Variants in NUFIP1 observed in about 807,000 individuals in gnomAD.
NUFIP1 encodes nuclear FMR1 interacting protein 1.
Under a neutral mutation model 56.2 loss-of-function variants are expected in NUFIP1, and 38 were observed. That is an observed-to-expected ratio of 0.68 (90% CI 0.52 to 0.89). The LOEUF is 0.89. Ranked by LOEUF, NUFIP1 falls within the 40% of genes least tolerant of loss-of-function variation. The pLI is 0.00. For missense variants in NUFIP1, 567 were observed against 605.8 expected, an observed-to-expected ratio of 0.94 and a Z score of 0.67; for synonymous variants, 215 against 212.4, an observed-to-expected ratio of 1.01 and a Z score of -0.10.
chr13:44,974,465 G>T (rs932539558), intron 5 of NUFIP1, among the ~76,000 whole-genome samples: 1 of 152,246 alleles, frequency 6.6e-6, no homozygotes, highest in Admixed American at 6.5e-5. Flanking sequence ...CGGATGGAAA[G>T]AGGAGTATGT....
intron 6 of NUFIP1, among the ~76,000 whole-genome samples, 171 bp downstream of exon 6, chr13:44,965,673 A>G (rs1871572771): frequency 6.6e-6 from 1 of 152,206 alleles, no homozygotes; most frequent in African/African-American, 2.4e-5. Flanking sequence ...CAGCCTGGGC[A>G]ACAGAGCGAG....
At chr13:44,944,120 G>C (rs767299967) in intron 8 of NUFIP1, among the ~76,000 whole-genome samples, 65 of 152,218 alleles carry the variant, frequency 4.3e-4, no homozygotes, top group Non-Finnish European at 6.0e-4. Flanking sequence ...AAGGCAGAAG[G>C]AATATGTAAG....
In NUFIP1 at chr13:44,957,640, CAAGATACAA is replaced by C. The variant is rs539247754; in HGVS notation, c.1021+1732_1021+1740del. ...GGACTAAGACAAGCTTAAATAGAAG[CAAGATACAA>C]TCGTCTTTTAGTTGGTGTTTTACCA... On this transcript the variant is annotated intron_variant, in intron 7 of 9. Transcript: ENST00000379161. Among the ~76,000 whole-genome samples the C allele has an allele frequency of 9.2e-5, 14 of 152,070 alleles. No individual in the cohort carries two copies. The East Asian group carries it at 2.5e-3, about 27-fold the overall frequency.
chr13:44,939,666 G>C lies in NUFIP1; in HGVS notation c.*1540C>G, dbSNP rs1870665826. On this transcript the variant is annotated 3_prime_UTR_variant, in exon 10 of 10. Coordinates refer to ENST00000379161, the MANE Select transcript of NUFIP1 (RefSeq NM_012345.3). Reference sequence around the variant, plus strand: ...AAATACCCATTAAAAATAAACAATAGTCACCATAGCTAAAGACTGTCAGAC... The same window carrying C: ...AAATACCCATTAAAAATAAACAATACTCACCATAGCTAAAGACTGTCAGAC... 6.6e-6 allele frequency: 1 copy of C among 152,014 alleles called. No individual in the cohort carries two copies. Among genetic ancestry groups the C allele is most frequent in the South Asian group, 2.1e-4 (1 of 4,816 alleles). 9.4% of individuals were successfully genotyped at this position (152,014 alleles called of 1,614,324 possible).
chr13:44,986,015 G>C (rs1872376195), intron 1 of NUFIP1, among the ~76,000 whole-genome samples: 1 of 152,184 alleles, frequency 6.6e-6, no homozygotes, highest in Non-Finnish European at 1.5e-5. Context: ...GAATATAAAG[G>C]TGCAGTCATA....
intron 7 of NUFIP1, among the ~76,000 whole-genome samples, chr13:44,955,211 A>C (rs1288990449): frequency 6.6e-6 from 1 of 152,256 alleles, no homozygotes; most frequent in African/African-American, 2.4e-5. Context: ...GGAAATAAAA[A>C]AATATGCTAG....
chr13:44,978,520 C>A (rs1872068303), intron 5 of NUFIP1, among the ~76,000 whole-genome samples: 1 of 152,134 alleles, frequency 6.6e-6, no homozygotes, highest in African/African-American at 2.4e-5. Flanking sequence ...TATAACAGTG[C>A]CCTAGTGGAA....
chr13:44,978,193 C>G (rs996417774), intron 5 of NUFIP1, among the ~76,000 whole-genome samples: 4 of 152,186 alleles, frequency 2.6e-5, no homozygotes, highest in Non-Finnish European at 5.9e-5. Flanking sequence ...CTCAGAATTA[C>G]CTCTAAAGCC....
chr13:44,979,153 TA>T (rs1872092263), intron 5 of NUFIP1, 36 bp downstream of exon 5: 5 of 1,502,856 alleles, frequency 3.3e-6, no homozygotes, highest in Non-Finnish European at 4.6e-6. Flanking sequence ...CTTGTCACAG[TA>T]AAACAGTTAT....
At chr13:44,966,845 C>T (rs920497925) in intron 5 of NUFIP1, among the ~76,000 whole-genome samples, 1 of 151,336 alleles carries the variant, frequency 6.6e-6, no homozygotes, top group Non-Finnish European at 1.5e-5. Context: ...TGGTGGCGGG[C>T]GCCTGTAATC....
At chr13:44,949,988 T>A in intron 7 of NUFIP1, 150 bp from the exon 8 acceptor site, 1 of 658,692 alleles carries the variant, frequency 1.5e-6, no homozygotes, top group Non-Finnish European at 2.7e-6. Context: ...CAGAAACACT[T>A]CCCCTTGGTT....
At chr13:44,962,065 A>C (rs2137906305) in intron 6 of NUFIP1, among the ~76,000 whole-genome samples, 1 of 152,370 alleles carries the variant, frequency 6.6e-6, no homozygotes, top group Admixed American at 6.5e-5. Context: ...AATGTAGATG[A>C]ATATAAAATG....
At chr13:44,942,937 G>A (rs1393613927) in intron 9 of NUFIP1, among the ~76,000 whole-genome samples, 4 of 147,254 alleles carry the variant, frequency 2.7e-5, no homozygotes, top group Non-Finnish European at 5.9e-5. Flanking sequence ...CTACACTCCA[G>A]CTTGGGTGAC....
In NUFIP1 at chr13:44,940,243, G is replaced by A. The variant is rs1870687468; in HGVS notation, c.*963C>T. The A allele has an allele frequency of 6.6e-6, 1 of 152,232 alleles. No individual in the cohort carries two copies. Among genetic ancestry groups the A allele is most frequent in the Admixed American group, 6.5e-5 (1 of 15,290 alleles). 9.4% of individuals were successfully genotyped at this position (152,232 alleles called of 1,614,324 possible). The stretch of plus-strand genomic sequence containing the variant: ...AGGCTGGAAAACACTGGCTAAACAT[G>A]AATCTTCATCTCAGGTCTGTGACGT... On this transcript the variant is annotated 3_prime_UTR_variant, in exon 10 of 10. Transcript: ENST00000379161.
intron 1 of NUFIP1, among the ~76,000 whole-genome samples, chr13:44,985,285 C>T (rs1288364989): frequency 6.6e-6 from 1 of 152,184 alleles, no homozygotes; most frequent in Non-Finnish European, 1.5e-5. Context: ...CACATTCTTA[C>T]CTATCTCAGT....
intron 8 of NUFIP1, among the ~76,000 whole-genome samples, chr13:44,944,604 C>G (rs1327956503): frequency 6.6e-6 from 1 of 151,890 alleles, no homozygotes; most frequent in East Asian, 1.9e-4. Context: ...CAAAGAACAC[C>G]CGACCTAATA....
At chr13:44,969,623 C>G (rs1871734972) in intron 5 of NUFIP1, among the ~76,000 whole-genome samples, 1 of 152,048 alleles carries the variant, frequency 6.6e-6, no homozygotes, top group Admixed American at 6.6e-5. Context: ...GGTCCTGAAA[C>G]TATGCTCTTT....
chr13:44,987,535 G>T (rs1412578111), intron 1 of NUFIP1, among the ~76,000 whole-genome samples: 2 of 136,016 alleles, frequency 1.5e-5, no homozygotes, highest in Non-Finnish European at 3.4e-5. Context: ...TAACTTTTTT[G>T]CCCCATAGGA....
intron 5 of NUFIP1, among the ~76,000 whole-genome samples, chr13:44,972,875 ACTC>A (rs779627141): frequency 5.9e-5 from 9 of 152,200 alleles, no homozygotes; most frequent in Non-Finnish European, 1.3e-4. Flanking sequence ...GTTTTGGTGA[ACTC>A]AGCCACATAT....
Sources: gnomAD v4.1 joint callset for allele counts (sites outside exome capture counted in the v4.1 genomes callset) on GRCh38, gnomAD v4.1.1 for gene constraint, MANE v1.5 for transcripts, NCBI Gene and HGNC (gene_info 2026-07-23, HGNC 2026-07-21) for gene names.